The following ARHGAP15 variants were observed in gnomAD, a reference collection of about 807,000 sequenced individuals.
ARHGAP15 encodes the protein Rho GTPase activating protein 15, also known as rho GTPase-activating protein 15.
ARHGAP15 carries 51 observed loss-of-function variants against 63.7 expected under a neutral mutation model. The observed-to-expected ratio is 0.80, with a 90% confidence interval of 0.64 to 1.01. The LOEUF is 1.01. Among genes scored for constraint, ARHGAP15 ranks in the 50% least tolerant of loss-of-function variants. The pLI is 0.00. For missense variants in ARHGAP15, 560 were observed against 564.6 expected (o/e 0.99, Z 0.08); for synonymous variants, 191 against 193.8 (o/e 0.99, Z 0.12).
At chr2:143,490,331 C>T (rs1407186280) in intron 9 of ARHGAP15, among the ~76,000 whole-genome samples, 1 of 152,092 alleles carries the variant, frequency 6.6e-6, no homozygotes, top group African/African-American at 2.4e-5. Flanking sequence ...TTTATTCTTT[C>T]ACGTAATTCA....
At chr2:143,681,992 T>C (rs1400369872) in intron 12 of ARHGAP15, among the ~76,000 whole-genome samples, 3 of 152,186 alleles carry the variant, frequency 2.0e-5, no homozygotes, top group Non-Finnish European at 4.4e-5. Context: ...GCATTGTTCT[T>C]TTTTTAACCC....
chr2:143,393,726 TAAAAAAAAAA>T (rs10593584), intron 6 of ARHGAP15, among the ~76,000 whole-genome samples: 3 of 61,444 alleles, frequency 4.9e-5, no homozygotes, highest in African/African-American at 6.4e-5. Flanking sequence ...AGACTCTGTC[TAAAAAAAAAA>T]AAAAAAAAAA....
At chr2:143,363,629 G>T (rs542424381) in intron 6 of ARHGAP15, among the ~76,000 whole-genome samples, 1 of 152,264 alleles carries the variant, frequency 6.6e-6, no homozygotes, top group African/African-American at 2.4e-5. Context: ...TAGCCACTTA[G>T]TCATTTGCTG....
Position 143,407,733 on chromosome 2 carries a change from C to T in ARHGAP15, c.475-27868C>T, listed in dbSNP as rs114021106. Among the ~76,000 whole-genome samples the T allele has an allele frequency of 3.9e-3, 596 of 151,338 alleles. 5 individuals are homozygous for T. The highest frequency in any genetic ancestry group is 0.014 in the African/African-American group (567 of 41,388). On this transcript the variant is annotated intron_variant, in intron 6 of 13. Transcript: ENST00000295095. ...TACCCTACCTGTCATTGTACCTATT[C>T]TATTTCTTGCATTTTTAGTGTATTT... is the stretch of plus-strand genomic sequence containing the variant.
At chr2:143,156,552 G>C (rs1308800651) in intron 2 of ARHGAP15, among the ~76,000 whole-genome samples, 5 of 151,848 alleles carry the variant, frequency 3.3e-5, no homozygotes, top group Non-Finnish European at 5.9e-5. Flanking sequence ...GAAATATTCA[G>C]CTTCCTAACT....
chr2:143,364,525 C>T (rs1349470226), intron 6 of ARHGAP15, among the ~76,000 whole-genome samples: 5 of 152,006 alleles, frequency 3.3e-5, no homozygotes. Flanking sequence ...TAGACAATTA[C>T]AAGTATGATA....
At chr2:143,262,519 G>C (rs537020154) in intron 6 of ARHGAP15, among the ~76,000 whole-genome samples, 3 of 141,128 alleles carry the variant, frequency 2.1e-5, no homozygotes, top group Non-Finnish European at 4.5e-5. Flanking sequence ...TTGTATATGC[G>C]GGGTCTGAAC....
intron 6 of ARHGAP15, among the ~76,000 whole-genome samples, chr2:143,376,697 T>C (rs181098535): frequency 5.2e-4 from 79 of 151,954 alleles, no homozygotes; most frequent in Non-Finnish European, 8.8e-4. Flanking sequence ...TATAATAATT[T>C]AATATTTAAT....
intron 11 of ARHGAP15, among the ~76,000 whole-genome samples, chr2:143,620,749 C>G (rs993103479): frequency 3.3e-5 from 5 of 152,180 alleles, no homozygotes; most frequent in African/African-American, 1.2e-4. Flanking sequence ...CTTCCTCATT[C>G]CTTGCTGAAA....
chr2:143,430,849 T>C lies in ARHGAP15; in HGVS notation c.475-4752T>C, dbSNP rs146546231. ...CACTGTAGCCATATTATTTAACATG[T>C]TTTAGGGCTCTTTGGATATTTGGCA... On this transcript the variant is annotated intron_variant, in intron 6 of 13. Transcript: ENST00000295095. Among the ~76,000 whole-genome samples, 3 of 152,110 alleles carry C rather than the reference T, an allele frequency of 2.0e-5. No homozygotes were observed. The East Asian group carries it at 5.8e-4, about 30-fold the overall frequency.
At chr2:143,321,505 A>G (rs1047396491) in intron 6 of ARHGAP15, among the ~76,000 whole-genome samples, 2 of 152,226 alleles carry the variant, frequency 1.3e-5, no homozygotes, top group African/African-American at 4.8e-5. Flanking sequence ...GGAAAGTCCT[A>G]AGAGGGCTGT....
intron 5 of ARHGAP15, among the ~76,000 whole-genome samples, chr2:143,230,453 T>C (rs190655299): frequency 2.6e-4 from 40 of 152,222 alleles, no homozygotes; most frequent in Non-Finnish European, 4.9e-4. Flanking sequence ...TCAGAACTGT[T>C]GTAAGTTGAC....
intron 11 of ARHGAP15, among the ~76,000 whole-genome samples, chr2:143,612,028 A>T (rs1365504190): frequency 6.6e-6 from 1 of 152,146 alleles, no homozygotes; most frequent in African/African-American, 2.4e-5. Context: ...CAAATGCATT[A>T]TTCTATTTCC....
At chr2:143,752,144 A>G (rs1384116989) in intron 13 of ARHGAP15, among the ~76,000 whole-genome samples, 1 of 151,942 alleles carries the variant, frequency 6.6e-6, no homozygotes, top group Non-Finnish European at 1.5e-5. Context: ...AATTGCATCT[A>G]CCTGGCTTCT....
At chr2:143,215,663 T>C (rs1246292579) in intron 3 of ARHGAP15, among the ~76,000 whole-genome samples, 2 of 152,152 alleles carry the variant, frequency 1.3e-5, no homozygotes, top group Non-Finnish European at 2.9e-5. Context: ...TTAAAACACC[T>C]AGTACAGACT....
intron 6 of ARHGAP15, among the ~76,000 whole-genome samples, chr2:143,374,988 G>C (rs1443557570): frequency 6.6e-6 from 1 of 152,114 alleles, no homozygotes; most frequent in East Asian, 1.9e-4. Context: ...CACTATGAGG[G>C]TGAATCAACA....
intron 6 of ARHGAP15, among the ~76,000 whole-genome samples, chr2:143,326,705 G>A (rs1205603768): frequency 6.6e-6 from 1 of 151,954 alleles, no homozygotes. Context: ...ATATTTAAAT[G>A]AAAGCAACAC....
chr2:143,169,115 T>C (rs568068571), intron 2 of ARHGAP15, among the ~76,000 whole-genome samples: 1 of 152,058 alleles, frequency 6.6e-6, no homozygotes, highest in Non-Finnish European at 1.5e-5. Flanking sequence ...GCCTAGACAG[T>C]GCTTTCTCCT....
chr2:143,668,500 G>A (rs1419817250), intron 12 of ARHGAP15, among the ~76,000 whole-genome samples: 1 of 152,166 alleles, frequency 6.6e-6, no homozygotes, highest in Non-Finnish European at 1.5e-5. Context: ...AAATACAAAT[G>A]AGAGACTAGC....
Sources: allele counts gnomAD v4.1 joint callset (sites outside exome capture counted in the v4.1 genomes callset), GRCh38; gene constraint gnomAD v4.1.1; transcripts MANE v1.5; gene names NCBI Gene and HGNC (gene_info 2026-07-23, HGNC 2026-07-21).